TRPV5: variants seen among roughly 807,000 people sequenced by gnomAD.
TRPV5 encodes the protein calcium transport protein 2.
A neutral mutation model predicts 74.1 loss-of-function variants in TRPV5; 66 were observed. The observed-to-expected ratio is 0.89, with a 90% CI of 0.73 to 1.09. The LOEUF is 1.09. Among genes scored for constraint, TRPV5 ranks in the 50% least tolerant of loss-of-function variants. TRPV5 has a pLI of 0.00. For missense variants in TRPV5, 936 were observed against 930.4 expected (o/e 1.01, Z -0.08); for synonymous variants, 399 against 360.7 (o/e 1.11, Z -1.20).
Position 142,930,116 on chromosome 7 carries a change from C to T in TRPV5, c.291G>A (p.Val97=), listed in dbSNP as rs1796061053. ...ALYDNLEAAL[V]LMEAAPELVF... Reference sequence around the variant, plus strand: ...CCAGCTCTGGGGCAGCCTCCATCAGCACCAAGGCCGCCTCCAAGTTGTCAT... The same window carrying T: ...CCAGCTCTGGGGCAGCCTCCATCAGTACCAAGGCCGCCTCCAAGTTGTCAT... Residue 97 remains valine (V), a synonymous_variant, in exon 3 of 15, where the codon GTG becomes GTA. Coordinates refer to ENST00000265310, the MANE Select transcript of TRPV5 (RefSeq NM_019841.7). 1 of 1,614,100 alleles carries T rather than the reference C, an allele frequency of 6.2e-7. No homozygotes were observed. Among genetic ancestry groups the T allele is most frequent in the African/African-American group, 1.3e-5 (1 of 74,928 alleles).
chr7:142,927,997 T>C (rs1796014804), intron 7 of TRPV5, 91 bp downstream of exon 7: 1 of 1,526,818 alleles, frequency 6.5e-7, no homozygotes, highest in Non-Finnish European at 9.0e-7. Context: ...CTGGGAAGTG[T>C]CTCAGGCCCA....
chr7:142,918,160 CA>C (rs1479743249), intron 8 of TRPV5, among the ~76,000 whole-genome samples: 5 of 152,302 alleles, frequency 3.3e-5, no homozygotes, highest in Non-Finnish European at 5.9e-5. Flanking sequence ...ACCCTAAGCC[CA>C]AACTGTAATG....
rs1796057433 is a variant in TRPV5, at chr7:142,929,994, AAG to A, written c.349+62_349+63del. 4.3e-6 allele frequency: 7 copies of A among 1,609,898 alleles called. No individual in the cohort carries two copies. The East Asian group carries it at 1.3e-4, about 31-fold the overall frequency. ...AACCCATCCTTCAGAGGCCAATTTT[AAG>A]AGACAACAGCACACCCTCCATCTCA... On this transcript the variant is annotated intron_variant, in intron 3 of 14. Transcript: ENST00000265310.
intron 8 of TRPV5, among the ~76,000 whole-genome samples, chr7:142,918,176 T>G (rs984442424): frequency 2.7e-4 from 41 of 152,364 alleles, no homozygotes; most frequent in African/African-American, 9.9e-4. Context: ...GTAATGGATG[T>G]TTCTTTTAAT....
At position 142,908,621 on chromosome 7, in the gene TRPV5, T is replaced by C; in HGVS notation, c.2083A>G (p.Ser695Gly). 1 of 1,614,238 alleles carries C rather than the reference T, an allele frequency of 6.2e-7. No individual in the cohort carries two copies. ...ATCTCCCAGCCTCGGTGACTGCTGC[T>C]CTGGGACGCGGTCCGGGACAGGGAG... ...TSSLSRTASQSSSHRGWEILR... is the reference protein window; with the variant it reads ...TSSLSRTASQGSSHRGWEILR... Residue 695 changes from serine (S) to glycine (G), a missense_variant, in exon 15 of 15, where the codon AGC (serine) becomes GGC (glycine). Coordinates refer to ENST00000265310, the MANE Select transcript of TRPV5 (RefSeq NM_019841.7).
At chr7:142,928,646 G>T in intron 6 of TRPV5, 45 bp downstream of exon 6, 1 of 1,586,694 alleles carries the variant, frequency 6.3e-7, no homozygotes, top group Non-Finnish European at 8.6e-7. Flanking sequence ...AGGATAGGTT[G>T]AGGGTCATTA....
chr7:142,918,394 C>T (rs186771587), intron 8 of TRPV5, among the ~76,000 whole-genome samples: 274 of 152,354 alleles, frequency 1.8e-3, no homozygotes, highest in African/African-American at 6.3e-3. Context: ...CCTTGGTTAA[C>T]AGAACTTATG....
At chr7:142,929,909 C>T in intron 3 of TRPV5, 149 bp downstream of exon 3, 1 of 1,286,388 alleles carries the variant, frequency 7.8e-7, no homozygotes, top group Non-Finnish European at 1.1e-6. Flanking sequence ...AAGACCAGGA[C>T]CTTTGCATTT....
chr7:142,921,741 C>T (rs562544758), intron 8 of TRPV5, among the ~76,000 whole-genome samples: 1 of 152,274 alleles, frequency 6.6e-6, no homozygotes, highest in African/African-American at 2.4e-5. Flanking sequence ...TCTGACTTCC[C>T]ATCCCCCTGG....
At chr7:142,909,125 A>C (rs2116570626) in intron 14 of TRPV5, among the ~76,000 whole-genome samples, 1 of 152,296 alleles carries the variant, frequency 6.6e-6, no homozygotes, top group Admixed American at 6.5e-5. Flanking sequence ...GCGTGTCACA[A>C]GGATGACGAG....
chr7:142,924,504 G>A (rs574220960), intron 8 of TRPV5, among the ~76,000 whole-genome samples: 31 of 151,030 alleles, frequency 2.1e-4, no homozygotes, highest in South Asian at 1.7e-3. Context: ...TGTGCATATC[G>A]CTGTCTTTGG....
rs756888934 is a variant in TRPV5, at chr7:142,908,315, G to A, written c.*199C>T. The stretch of plus-strand genomic sequence containing the variant: ...TGACTTGCAAGAGCCCAGAAAATAC[G>A]TGAGACAATCGATGACCATTGCCCA... On this transcript the variant is annotated 3_prime_UTR_variant, in exon 15 of 15. Coordinates refer to ENST00000265310, the MANE Select transcript of TRPV5 (RefSeq NM_019841.7). 55 of 632,134 alleles carry A rather than the reference G, an allele frequency of 8.7e-5. No homozygotes were observed. Among genetic ancestry groups the A allele is most frequent in the Middle Eastern group, 4.3e-4 (1 of 2,316 alleles). 39.2% of individuals were successfully genotyped at this position (632,134 alleles called of 1,614,324 possible).
At position 142,908,793 on chromosome 7, in the gene TRPV5, A is replaced by G. The variant is rs763863029; in HGVS notation, c.1911T>C (p.Asn637=). The G allele has an allele frequency of 6.2e-7, 1 of 1,611,612 alleles. No homozygotes were observed. The highest frequency in any genetic ancestry group is 2.2e-5 in the East Asian group (1 of 44,854). Residue 637 remains asparagine (N), a synonymous_variant, in exon 15 of 15, where the codon AAT becomes AAC. Coordinates refer to ENST00000265310, the MANE Select transcript of TRPV5 (RefSeq NM_019841.7). ...DRWFLRVENH[N]DQNPLRVLRY... Reference sequence around the variant, plus strand: ...GAAGCACTCGCAGAGGATTCTGATCATTGTGGTTCTCAACCCTGATAAGGG... The same window carrying G: ...GAAGCACTCGCAGAGGATTCTGATCGTTGTGGTTCTCAACCCTGATAAGGG...
intron 8 of TRPV5, among the ~76,000 whole-genome samples, chr7:142,922,291 G>C (rs965907134): frequency 6.6e-6 from 1 of 152,182 alleles, no homozygotes; most frequent in Non-Finnish European, 1.5e-5. Flanking sequence ...TTCTGGGAAA[G>C]AGAAAATCAA....
At chr7:142,925,773 A>T (rs1795978171) in intron 7 of TRPV5, 32 bp from the exon 8 acceptor site, 3 of 1,591,548 alleles carry the variant, frequency 1.9e-6, no homozygotes, top group Non-Finnish European at 2.6e-6. Flanking sequence ...ACTTGGGGTG[A>T]CCAACACAGA....
At chr7:142,913,985 C>T (rs1795749394) in intron 12 of TRPV5, among the ~76,000 whole-genome samples, 2 of 152,102 alleles carry the variant, frequency 1.3e-5, no homozygotes, top group African/African-American at 4.8e-5. Flanking sequence ...CCTGTGTTTT[C>T]CTGCTGTGCC....
In TRPV5 at chr7:142,933,060, G is replaced by C. The variant is rs542151829; in HGVS notation, c.128+272C>G. 3.5e-4 allele frequency among the ~76,000 whole-genome samples: 53 copies of C among 152,140 alleles called. No homozygotes were observed. The South Asian group carries it at 0.01, about 29-fold the overall frequency. On this transcript the variant is annotated intron_variant, in intron 1 of 14. Coordinates refer to ENST00000265310, the MANE Select transcript of TRPV5 (RefSeq NM_019841.7). ...TGGCTTCTTCCCTCTGGTCCTTTTTGGTCCTTTCACTCCCCCTTGGCTGTC... is the reference window on the plus strand; with the variant it reads ...TGGCTTCTTCCCTCTGGTCCTTTTTCGTCCTTTCACTCCCCCTTGGCTGTC...
intron 1 of TRPV5, among the ~76,000 whole-genome samples, chr7:142,931,706 T>C (rs1796099801): frequency 6.6e-6 from 1 of 152,120 alleles, no homozygotes; most frequent in African/African-American, 2.4e-5. Context: ...TTATTTTATT[T>C]ATTTATTTTT....
intron 8 of TRPV5, among the ~76,000 whole-genome samples, chr7:142,917,201 A>T: frequency 6.6e-6 from 1 of 151,504 alleles, no homozygotes; most frequent in African/African-American, 2.4e-5. Flanking sequence ...CTTTATCTTA[A>T]TGTTTCTATA....
Sources: gnomAD v4.1 joint callset for allele counts (sites outside exome capture counted in the v4.1 genomes callset) on GRCh38, gnomAD v4.1.1 for gene constraint, MANE v1.5 for transcripts, NCBI Gene and HGNC (gene_info 2026-07-23, HGNC 2026-07-21) for gene names.